The following SUPT3H variants were observed in gnomAD, a reference collection of about 807,000 sequenced individuals.
SUPT3H encodes the protein transcription initiation protein SPT3 homolog.
A neutral mutation model predicts 44.3 loss-of-function variants in SUPT3H; 44 were observed. The observed-to-expected ratio is 0.99, with a 90% CI of 0.78 to 1.28. The LOEUF is 1.28. SUPT3H is among the 50% of genes most tolerant of loss of function. The pLI, the probability that SUPT3H is intolerant of heterozygous loss-of-function variation, is 0.00. For missense variants in SUPT3H, 380 were observed against 387.1 expected, an observed-to-expected ratio of 0.98 and a Z score of 0.15; for synonymous variants, 124 against 125.6, an observed-to-expected ratio of 0.99 and a Z score of 0.09.
At chr6:45,137,531 GAGA>G (rs1224484127) in intron 2 of SUPT3H, among the ~76,000 whole-genome samples, 3 of 151,790 alleles carry the variant, frequency 2.0e-5, no homozygotes, top group East Asian at 1.9e-4. Context: ...GAACAAAAAA[GAGA>G]AGGAGAATAT....
intron 5 of SUPT3H, among the ~76,000 whole-genome samples, chr6:45,006,024 C>T (rs1446276819): frequency 2.0e-5 from 3 of 151,876 alleles, no homozygotes; most frequent in Admixed American, 6.6e-5. Flanking sequence ...TATAATTATT[C>T]CTCTTTATCC....
At chr6:45,072,575 A>C (rs1429987006) in intron 3 of SUPT3H, among the ~76,000 whole-genome samples, 1 of 152,156 alleles carries the variant, frequency 6.6e-6, no homozygotes, top group African/African-American at 2.4e-5. Context: ...TCATTTTTAA[A>C]GTTCTTTTAG....
intron 3 of SUPT3H, among the ~76,000 whole-genome samples, chr6:45,045,862 C>T (rs986603693): frequency 6.6e-5 from 10 of 152,076 alleles, no homozygotes; most frequent in Non-Finnish European, 1.3e-4. Flanking sequence ...TGCCTGTAAG[C>T]TGCCTTTTCA....
At chr6:44,997,898 G>A (rs997775241) in intron 6 of SUPT3H, among the ~76,000 whole-genome samples, 1 of 151,674 alleles carries the variant, frequency 6.6e-6, no homozygotes, top group Non-Finnish European at 1.5e-5. Flanking sequence ...ACTATCATAT[G>A]GTTATTCTTA....
rs565088165 is a variant in SUPT3H, at chr6:45,273,939, T to C, written c.101+91262A>G. On this transcript the variant is annotated intron_variant, in intron 2 of 10. Coordinates refer to ENST00000371459, the MANE Select transcript of SUPT3H (RefSeq NM_003599.4). Reference sequence around the variant, plus strand: ...ACACCATAGCACATTCCCATCAACATTGTAAGGTTTCAATCTCTCCACATC... The same window carrying C: ...ACACCATAGCACATTCCCATCAACACTGTAAGGTTTCAATCTCTCCACATC... Among the ~76,000 whole-genome samples, 14 of 152,310 alleles carry C rather than the reference T, an allele frequency of 9.2e-5. No individual in the cohort carries two copies. The East Asian group carries it at 9.7e-4, about 11-fold the overall frequency.
chr6:45,180,483 G>A (rs1812937419), intron 2 of SUPT3H, among the ~76,000 whole-genome samples: 1 of 134,002 alleles, frequency 7.5e-6, no homozygotes, highest in South Asian at 2.6e-4. Context: ...CAAGGCTACA[G>A]TAACCAAAAC....
At chr6:44,996,711 C>T (rs995171263) in intron 6 of SUPT3H, among the ~76,000 whole-genome samples, 1 of 151,878 alleles carries the variant, frequency 6.6e-6, no homozygotes, top group African/African-American at 2.4e-5. Context: ...TGAGGAACAG[C>T]ATTTCTCAAA....
intron 6 of SUPT3H, among the ~76,000 whole-genome samples, chr6:44,969,540 T>A (rs1290698512): frequency 6.6e-6 from 1 of 152,112 alleles, no homozygotes; most frequent in East Asian, 1.9e-4. Flanking sequence ...ATCAAAGCAG[T>A]TACCCAAGAG....
intron 2 of SUPT3H, among the ~76,000 whole-genome samples, chr6:45,204,180 G>C (rs143242533): frequency 7.7e-4 from 116 of 151,610 alleles, no homozygotes; most frequent in African/African-American, 2.6e-3. Context: ...CCAGGAGGTG[G>C]AGGTTGCAGT....
chr6:45,348,111 A>T (rs1452219346), intron 2 of SUPT3H, among the ~76,000 whole-genome samples: 1 of 152,178 alleles, frequency 6.6e-6, no homozygotes, highest in Non-Finnish European at 1.5e-5. Flanking sequence ...CGTTAAAAGC[A>T]GCACCTTTCT....
chr6:45,270,056 G>A (rs955611373), intron 2 of SUPT3H, among the ~76,000 whole-genome samples: 16 of 152,032 alleles, frequency 1.1e-4, no homozygotes, highest in Admixed American at 9.8e-4. Context: ...TTTATGACTG[G>A]CTTCTTCAAC....
intron 2 of SUPT3H, among the ~76,000 whole-genome samples, chr6:45,270,644 T>C (rs1400523493): frequency 1.3e-5 from 2 of 152,216 alleles, no homozygotes; most frequent in African/African-American, 2.4e-5. Flanking sequence ...GTCTGGAGTA[T>C]GTCCTTATCA....
At chr6:45,052,994 G>T (rs1790540360) in intron 3 of SUPT3H, among the ~76,000 whole-genome samples, 1 of 151,920 alleles carries the variant, frequency 6.6e-6, no homozygotes, top group Non-Finnish European at 1.5e-5. Context: ...GAGAAGGGAG[G>T]TAAAAAGGGA....
intron 2 of SUPT3H, among the ~76,000 whole-genome samples, chr6:45,281,646 G>A (rs1778104259): frequency 1.3e-5 from 2 of 152,184 alleles, no homozygotes; most frequent in African/African-American, 4.8e-5. Flanking sequence ...GCCTGCCTCT[G>A]TAGACTCCAC....
intron 2 of SUPT3H, among the ~76,000 whole-genome samples, chr6:45,284,163 C>A (rs1434299855): frequency 3.3e-5 from 5 of 152,060 alleles, no homozygotes; most frequent in African/African-American, 1.2e-4. Context: ...AATTGACACC[C>A]TAACATCATA....
intron 2 of SUPT3H, among the ~76,000 whole-genome samples, chr6:45,191,683 A>G (rs1239854545): frequency 6.7e-6 from 1 of 149,536 alleles, no homozygotes; most frequent in Non-Finnish European, 1.5e-5. Flanking sequence ...GCTCTAAAAA[A>G]TACAGTCTAC....
intron 2 of SUPT3H, among the ~76,000 whole-genome samples, chr6:45,254,669 AT>A (rs1773035426): frequency 6.6e-6 from 1 of 152,196 alleles, no homozygotes; most frequent in Non-Finnish European, 1.5e-5. Context: ...TTTTTATCAC[AT>A]AAGTAATCCC....
intron 6 of SUPT3H, among the ~76,000 whole-genome samples, chr6:44,969,507 T>A (rs577988604): frequency 6.6e-6 from 1 of 152,242 alleles, no homozygotes; most frequent in South Asian, 2.1e-4. Flanking sequence ...CAGGAAGTCA[T>A]TAACTGTGCA....
In SUPT3H at chr6:44,953,368, C is replaced by T; in HGVS notation, c.743G>A (p.Gly248Glu). Residue 248 changes from glycine to glutamate, a missense_variant, in exon 9 of 11, where the codon GGG becomes GAG. Physicochemically the swap from Gly to Glu is moderately conservative, Grantham distance 98. Coordinates refer to ENST00000371459, the MANE Select transcript of SUPT3H (RefSeq NM_003599.4). ...LVRQDMVTKA[G>E]DPFSHAISAT... ...AGAAATGGCATGGCTGAAGGGGTCC[C>T]CTGCCTTGGTTACCATGTCTTGCCT... The T allele has an allele frequency of 6.2e-7, 1 of 1,614,068 alleles. No homozygotes were observed. The highest frequency in any genetic ancestry group is 8.5e-7 in the Non-Finnish European group (1 of 1,179,982).
Sources: allele counts gnomAD v4.1 joint callset (sites outside exome capture counted in the v4.1 genomes callset), GRCh38; gene constraint gnomAD v4.1.1; transcripts MANE v1.5; gene names NCBI Gene and HGNC (gene_info 2026-07-23, HGNC 2026-07-21).